The following ERC1 variants were observed in gnomAD, a reference collection of about 807,000 sequenced individuals.
The protein encoded by ERC1 is RAB6 interacting protein 2.
In ERC1, 56 loss-of-function variants were observed where a neutral mutation model predicts 132.0. The observed-to-expected ratio is 0.42, with a 90% CI of 0.34 to 0.53. ERC1 has a LOEUF of 0.53. Among genes scored for constraint, ERC1 ranks in the 20% least tolerant of loss-of-function variants. ERC1 has a pLI of 0.03. For synonymous variants in ERC1, 478 were observed against 476.1 expected (o/e 1.00, Z -0.05); for missense variants, 1,202 against 1,349.9 (o/e 0.89, Z 1.72).
intron 12 of ERC1, among the ~76,000 whole-genome samples, chr12:1,233,624 AG>A (rs1394354321): frequency 2.0e-5 from 3 of 152,170 alleles, no homozygotes; most frequent in Non-Finnish European, 4.4e-5. Flanking sequence ...GCTAATATTC[AG>A]TATCAAAACA....
rs552315721 is a variant in ERC1, at chr12:1,370,398, C to G, written c.2781-1435C>G. ...CCACAACTGCAAACTTATTTGCATT[C>G]ATGAGATGAAAAGAATGATTGATGT... On this transcript the variant is annotated intron_variant, in intron 15 of 18. Transcript: ENST00000360905. Among the ~76,000 whole-genome samples, 18 of 152,282 alleles carry G rather than the reference C, an allele frequency of 1.2e-4. 1 individual carries two copies. Among genetic ancestry groups the G allele is most frequent in the African/African-American group, 4.3e-4 (18 of 41,558 alleles).
intron 15 of ERC1, among the ~76,000 whole-genome samples, chr12:1,361,447 C>A (rs1285968104): frequency 2.6e-5 from 4 of 152,028 alleles, no homozygotes; most frequent in Non-Finnish European, 5.9e-5. Flanking sequence ...TTAAAAATTG[C>A]CTGTTTTTAT....
intron 14 of ERC1, among the ~76,000 whole-genome samples, chr12:1,272,970 A>AC (rs905132312): frequency 1.3e-5 from 2 of 150,776 alleles, no homozygotes; most frequent in Non-Finnish European, 3.0e-5. Flanking sequence ...AAAAAAAAAA[A>AC]AACCTTGAGT....
chr12:1,450,736 C>T (rs1565465521), intron 18 of ERC1, among the ~76,000 whole-genome samples: 2 of 152,194 alleles, frequency 1.3e-5, no homozygotes, highest in Non-Finnish European at 2.9e-5. Context: ...TTTTCCACAG[C>T]GGCTGTACCA....
chr12:1,152,249 GGT>G (rs1950905967), intron 8 of ERC1: 1 of 151,656 alleles, frequency 6.6e-6, no homozygotes, highest in African/African-American at 2.4e-5. Context: ...GTCTTAATAT[GGT>G]GGTATCTTGG....
At chr12:1,347,310 A>G (rs1287505787) in intron 15 of ERC1, among the ~76,000 whole-genome samples, 1 of 152,240 alleles carries the variant, frequency 6.6e-6, no homozygotes, top group Non-Finnish European at 1.5e-5. Flanking sequence ...TAGAGATAAT[A>G]TGGTACAGCA....
intron 18 of ERC1, among the ~76,000 whole-genome samples, chr12:1,462,218 A>G (rs561287928): frequency 1.3e-5 from 2 of 152,212 alleles, no homozygotes; most frequent in African/African-American, 4.8e-5. Flanking sequence ...ATATGGAGCA[A>G]CTGGAACTCT....
chr12:1,286,425 A>AC (rs2079050609), intron 14 of ERC1, among the ~76,000 whole-genome samples: 1 of 152,204 alleles, frequency 6.6e-6, no homozygotes, highest in Admixed American at 6.5e-5. Flanking sequence ...AAAATTCTTA[A>AC]CTACCTAGCA....
chr12:1,276,588 A>G lies in ERC1; in HGVS notation c.2620-13264A>G, dbSNP rs866658600. Among the ~76,000 whole-genome samples the G allele has an allele frequency of 1.8e-3, 273 of 151,038 alleles. 1 individual carries two copies. Among genetic ancestry groups the G allele is most frequent in the Admixed American group, 4.8e-3 (73 of 15,230 alleles). ...TACTTAGTCCTGTTTTTTTTTTTTAATAACACTGCATTATTATTACGTATT... is the reference window on the plus strand; with the variant it reads ...TACTTAGTCCTGTTTTTTTTTTTTAGTAACACTGCATTATTATTACGTATT... On this transcript the variant is annotated intron_variant, in intron 14 of 18. Transcript: ENST00000360905.
chr12:1,270,949 A>G (rs1177054246), intron 14 of ERC1, among the ~76,000 whole-genome samples: 1 of 152,176 alleles, frequency 6.6e-6, no homozygotes, highest in Non-Finnish European at 1.5e-5. Context: ...GTTTTTGAAT[A>G]GATGATGATG....
intron 12 of ERC1, among the ~76,000 whole-genome samples, chr12:1,210,647 T>C (rs1431041966): frequency 1.3e-5 from 2 of 152,164 alleles, no homozygotes; most frequent in Non-Finnish European, 2.9e-5. Context: ...TTATTATTAT[T>C]TTCTGGTGTG....
intron 2 of ERC1, among the ~76,000 whole-genome samples, chr12:1,055,881 A>G (rs1972854871): frequency 6.6e-6 from 1 of 152,152 alleles, no homozygotes; most frequent in Non-Finnish European, 1.5e-5. Context: ...TGGGTGGCTC[A>G]TGTCTGTAAT....
chr12:1,197,012 C>T (rs1197816607), intron 12 of ERC1, among the ~76,000 whole-genome samples: 7 of 133,432 alleles, frequency 5.2e-5, no homozygotes, highest in African/African-American at 2.0e-4. Flanking sequence ...ACAGATTTTC[C>T]CTCTGTCACC....
chr12:1,256,517 C>G (rs57462889), intron 13 of ERC1, among the ~76,000 whole-genome samples: 8,058 of 143,612 alleles, frequency 0.056, 825 homozygotes, highest in African/African-American at 0.17. Context: ...TTGTATATCT[C>G]TTAAAACATT....
intron 12 of ERC1, among the ~76,000 whole-genome samples, chr12:1,194,116 T>G (rs923243047): frequency 6.6e-6 from 1 of 152,162 alleles, no homozygotes; most frequent in Non-Finnish European, 1.5e-5. Flanking sequence ...TTCTTTGCTA[T>G]CATGTTTAAA....
chr12:1,442,919 T>A (rs1004185736), intron 17 of ERC1, among the ~76,000 whole-genome samples: 2 of 152,240 alleles, frequency 1.3e-5, no homozygotes, highest in African/African-American at 2.4e-5. Flanking sequence ...TATTTTTTTT[T>A]ATTTTTTTGA....
intron 12 of ERC1, among the ~76,000 whole-genome samples, chr12:1,222,476 A>T (rs1002729037): frequency 6.6e-6 from 1 of 152,058 alleles, no homozygotes; most frequent in Non-Finnish European, 1.5e-5. Flanking sequence ...TGTCCCCCCA[A>T]AGTGCTGGGA....
In ERC1 at chr12:1,382,918, G is replaced by A. The variant is rs1218457849; in HGVS notation, c.2925+10941G>A. Among the ~76,000 whole-genome samples the A allele has an allele frequency of 2.0e-5, 3 of 152,072 alleles. No individual in the cohort carries two copies. In the East Asian group the frequency reaches 5.8e-4, roughly 29 times the overall value. On this transcript the variant is annotated intron_variant, in intron 16 of 18. Transcript: ENST00000360905. ...ATATTTTGATGAATTCTGCTTGATT[G>A]GAGTTACTAATAAGTAGAAAGTCCA... is the stretch of plus-strand genomic sequence containing the variant.
At chr12:1,294,832 T>C (rs1321238326) in intron 15 of ERC1, among the ~76,000 whole-genome samples, 1 of 152,188 alleles carries the variant, frequency 6.6e-6, no homozygotes, top group African/African-American at 2.4e-5. Context: ...AATTTTCCTT[T>C]CAGGACCATC....
Sources: gnomAD v4.1 joint callset for allele counts (sites outside exome capture counted in the v4.1 genomes callset) on GRCh38, gnomAD v4.1.1 for gene constraint, MANE v1.5 for transcripts, NCBI Gene and HGNC (gene_info 2026-07-23, HGNC 2026-07-21) for gene names.